PCTP: variants seen among roughly 807,000 people sequenced by gnomAD.
PCTP encodes the protein START domain-containing protein 2.
In PCTP, 27 loss-of-function variants were observed where a neutral mutation model predicts 31.0. The ratio of observed to expected loss-of-function variants is 0.87; its 90% CI spans 0.64 to 1.20. PCTP has a LOEUF of 1.20. Ranked by LOEUF, PCTP falls within the 50% of genes most tolerant of loss-of-function variation. The pLI is 0.00. For synonymous variants in PCTP, 108 were observed against 101.2 expected, an observed-to-expected ratio of 1.07 and a Z score of -0.40; for missense variants, 287 against 268.2, an observed-to-expected ratio of 1.07 and a Z score of -0.49.
intron 1 of PCTP, among the ~76,000 whole-genome samples, chr17:55,763,607 A>G (rs1344940969): frequency 6.6e-6 from 1 of 152,160 alleles, no homozygotes; most frequent in African/African-American, 2.4e-5. Context: ...AAATAAGAAT[A>G]CAAACTATTT....
In PCTP at chr17:55,787,901, C is replaced by T. The variant is rs578239074; in HGVS notation, c.317+247C>T. Among the ~76,000 whole-genome samples the T allele has an allele frequency of 1.4e-4, 21 of 152,264 alleles. No individual in the cohort carries two copies. In the South Asian group the frequency reaches 3.1e-3, roughly 23 times the overall value. On this transcript the variant is annotated intron_variant, in intron 3 of 3. Coordinates refer to the PCTP transcript ENST00000572536. ...AAATTCCCTTCTCTATTCTTCTCGG[C>T]ACATAGCATTTATTCAACAGCACTG...
intron 3 of PCTP, among the ~76,000 whole-genome samples, chr17:55,816,272 T>TC (rs1389235363): frequency 6.6e-6 from 1 of 152,166 alleles, no homozygotes; most frequent in Non-Finnish European, 1.5e-5. Context: ...CCTCCTGTCT[T>TC]CCCAGGTCTA....
chr17:55,816,619 C>G (rs1034405741), intron 3 of PCTP, among the ~76,000 whole-genome samples: 1 of 152,162 alleles, frequency 6.6e-6, no homozygotes, highest in African/African-American at 2.4e-5. Flanking sequence ...GTCATAGCTT[C>G]CCCTAGGTGA....
intron 3 of PCTP, among the ~76,000 whole-genome samples, chr17:55,819,274 T>G (rs902243630): frequency 1.3e-5 from 2 of 152,050 alleles, no homozygotes; most frequent in Admixed American, 1.3e-4. Context: ...TTAACACTCC[T>G]TTTCAAAATT....
At chr17:55,765,013 C>T (rs1910562215) in intron 1 of PCTP, among the ~76,000 whole-genome samples, 2 of 152,190 alleles carry the variant, frequency 1.3e-5, no homozygotes, top group African/African-American at 2.4e-5. Context: ...CCAGGACCCT[C>T]ATGGACAAGA....
At chr17:55,805,502 A>G (rs1246393778) in intron 3 of PCTP, among the ~76,000 whole-genome samples, 1 of 152,154 alleles carries the variant, frequency 6.6e-6, no homozygotes, top group Non-Finnish European at 1.5e-5. Flanking sequence ...AATGTCTTCC[A>G]GCACCATCCA....
Position 55,757,443 on chromosome 17 carries a change from C to T in PCTP, c.141+6199C>T, listed in dbSNP as rs919478234. Among the ~76,000 whole-genome samples, 21 of 59,312 alleles carry T rather than the reference C, an allele frequency of 3.5e-4. 1 individual carries two copies. Among genetic ancestry groups the T allele is most frequent in the Admixed American group, 2.1e-3 (11 of 5,278 alleles). 38.9% of individuals were successfully genotyped at this position (59,312 alleles called of 152,430 possible). ...TATCCTGGTTTTGCAAATGAGGAAA[C>T]TGAGACACACACACACACACACACA... On this transcript the variant is annotated intron_variant, in intron 1 of 5. Coordinates refer to ENST00000268896, the MANE Select transcript of PCTP (RefSeq NM_021213.4).
At chr17:55,788,361 A>C (rs1413768218) in intron 3 of PCTP, among the ~76,000 whole-genome samples, 2 of 152,146 alleles carry the variant, frequency 1.3e-5, no homozygotes, top group African/African-American at 4.8e-5. Flanking sequence ...TCTATGGAAC[A>C]CCTTCTCCTA....
intron 4 of PCTP, 77 bp from the exon 5 acceptor site, chr17:55,774,715 A>G (rs1911212772): frequency 2.5e-6 from 3 of 1,185,714 alleles, no homozygotes; most frequent in Admixed American, 1.7e-5. Flanking sequence ...ATGAAGATAT[A>G]AAGTTTGCAC....
chr17:55,809,018 A>G (rs1307078878), intron 3 of PCTP, among the ~76,000 whole-genome samples: 11 of 152,240 alleles, frequency 7.2e-5, no homozygotes, highest in Admixed American at 7.2e-4. Context: ...AGCAAAAACC[A>G]GCTAATCCTA....
intron 3 of PCTP, among the ~76,000 whole-genome samples, chr17:55,804,345 C>T (rs534080185): frequency 9.9e-5 from 15 of 152,250 alleles, no homozygotes; most frequent in African/African-American, 3.4e-4. Flanking sequence ...GCCATTTGAT[C>T]CAGCAATCCC....
intron 5 of PCTP, among the ~76,000 whole-genome samples, chr17:55,838,292 C>T (rs1223156523): frequency 2.0e-5 from 3 of 152,330 alleles, no homozygotes; most frequent in South Asian, 2.1e-4. Context: ...CACTCTCAGC[C>T]GCATTCATCT....
chr17:55,767,337 G>C lies in PCTP; in HGVS notation c.144G>C (p.Lys48Asn), dbSNP rs1169913630. 1 of 1,592,116 alleles carries C rather than the reference G, an allele frequency of 6.3e-7. No individual in the cohort carries two copies. Among genetic ancestry groups the C allele is most frequent in the Non-Finnish European group, 8.6e-7 (1 of 1,160,808 alleles). The change falls in exon 2 of 6, where the codon AAG becomes AAC. Residue 48 changes from lysine to asparagine, a missense_variant and splice_region_variant. Lys to Asn is a moderately conservative substitution (Grantham distance 94). Transcript: ENST00000268896. ...GISIYRLLDK[K>N]TGLYEYKVFG... ...TTCTACCTGTTCTGTTTTTATAGAA[G>C]ACTGGACTTTATGAGTATAAAGTCT...
intron 3 of PCTP, among the ~76,000 whole-genome samples, chr17:55,772,385 G>A (rs1447871760): frequency 6.6e-6 from 1 of 151,982 alleles, no homozygotes; most frequent in Non-Finnish European, 1.5e-5. Flanking sequence ...GTCAGAGTTC[G>A]AGATCAGCCT....
chr17:55,817,900 C>G (rs1459790909), intron 3 of PCTP, among the ~76,000 whole-genome samples: 1 of 152,180 alleles, frequency 6.6e-6, no homozygotes, highest in Non-Finnish European at 1.5e-5. Context: ...CAGGAACTCT[C>G]CTGGGTCCTA....
chr17:55,849,167 CA>C, the PCTP span, among the ~76,000 whole-genome samples: 4 of 150,956 alleles, frequency 2.6e-5, no homozygotes, highest in Admixed American at 6.6e-5. Context: ...AATGAATAGG[CA>C]AAGATCTCAA....
At chr17:55,840,898 A>G (rs987485095) in intron 5 of PCTP, among the ~76,000 whole-genome samples, 36 of 152,338 alleles carry the variant, frequency 2.4e-4, no homozygotes, top group African/African-American at 8.4e-4. Context: ...AGCAGTGCAA[A>G]TATTCCAAAA....
downstream of PCTP, among the ~76,000 whole-genome samples, chr17:55,846,606 C>T (rs1906156429): frequency 6.6e-6 from 1 of 152,176 alleles, no homozygotes; most frequent in Non-Finnish European, 1.5e-5. Context: ...GTGTAAGAAC[C>T]AAATTACTGC....
intron 3 of PCTP, among the ~76,000 whole-genome samples, chr17:55,791,150 C>T (rs1911956437): frequency 1.3e-5 from 2 of 151,754 alleles, no homozygotes; most frequent in Non-Finnish European, 2.9e-5. Flanking sequence ...ATACAAAAAT[C>T]AATTCAAGAT....
Sources: allele counts gnomAD v4.1 joint callset (sites outside exome capture counted in the v4.1 genomes callset), GRCh38; gene constraint gnomAD v4.1.1; transcripts MANE v1.5; gene names NCBI Gene and HGNC (gene_info 2026-07-23, HGNC 2026-07-21).